Variants in RIMS2 observed in about 807,000 individuals in gnomAD.
RIMS2 encodes regulating synaptic membrane exocytosis protein 2.
Under a neutral mutation model 174.4 loss-of-function variants are expected in RIMS2, and 59 were observed. The observed-to-expected ratio is 0.34, with a 90% CI of 0.27 to 0.42. RIMS2 has a LOEUF of 0.42. Ranked by LOEUF, RIMS2 falls within the 10% of genes least tolerant of loss-of-function variation. The pLI is 1.00. For synonymous variants in RIMS2, 606 were observed against 572.5 expected (o/e 1.06, Z -0.84); for missense variants, 1,620 against 1,666.3 (o/e 0.97, Z 0.48).
At chr8:103,792,063 A>T (rs570731826) in intron 3 of RIMS2, among the ~76,000 whole-genome samples, 1 of 152,314 alleles carries the variant, frequency 6.6e-6, no homozygotes, top group East Asian at 1.9e-4. Flanking sequence ...GCTCTGCACC[A>T]AGCGGACTTA....
At chr8:103,819,641 C>T (rs2098739432) in intron 3 of RIMS2, 1 of 1,581,432 alleles carries the variant, frequency 6.3e-7, no homozygotes, top group South Asian at 1.1e-5. Flanking sequence ...TGAGTAGAGC[C>T]AAACTATATT....
chr8:103,685,955 A>T (rs909126868), intron 1 of RIMS2, among the ~76,000 whole-genome samples: 2 of 152,144 alleles, frequency 1.3e-5, no homozygotes, highest in Non-Finnish European at 2.9e-5. Flanking sequence ...GCCATTGGTT[A>T]ATGTGGTATA....
chr8:103,951,329 G>A (rs936318932), intron 14 of RIMS2, among the ~76,000 whole-genome samples: 3 of 152,202 alleles, frequency 2.0e-5, no homozygotes, highest in East Asian at 1.9e-4. Context: ...CAAGATGACC[G>A]AATAGGAACA....
chr8:103,690,254 G>A (rs761930546), intron 1 of RIMS2, among the ~76,000 whole-genome samples: 6 of 152,076 alleles, frequency 3.9e-5, no homozygotes, highest in East Asian at 1.9e-4. Flanking sequence ...ATGAGCCACC[G>A]CTCCTGGCCG....
intron 1 of RIMS2, among the ~76,000 whole-genome samples, chr8:103,630,902 G>C (rs909468762): frequency 6.6e-6 from 1 of 152,044 alleles, no homozygotes; most frequent in Non-Finnish European, 1.5e-5. Flanking sequence ...ATGCTTGTTG[G>C]CTGCACATAT....
intron 3 of RIMS2, among the ~76,000 whole-genome samples, chr8:103,828,464 T>C (rs923030811): frequency 6.6e-6 from 1 of 152,210 alleles, no homozygotes; most frequent in Non-Finnish European, 1.5e-5. Flanking sequence ...TTTAAGTTCC[T>C]TATAGATTCT....
At chr8:104,079,239 G>A (rs1338961143) in intron 19 of RIMS2, among the ~76,000 whole-genome samples, 1 of 152,024 alleles carries the variant, frequency 6.6e-6, no homozygotes, top group Non-Finnish European at 1.5e-5. Flanking sequence ...ATAAGTTGCA[G>A]GCAGCTACTT....
chr8:104,124,177 G>A (rs2098409566), intron 19 of RIMS2, among the ~76,000 whole-genome samples: 1 of 151,980 alleles, frequency 6.6e-6, no homozygotes, highest in Non-Finnish European at 1.5e-5. Flanking sequence ...TAATCAGAAT[G>A]ACACAAAGAA....
At chr8:103,794,379 C>T (rs1306215919) in intron 3 of RIMS2, among the ~76,000 whole-genome samples, 2 of 151,900 alleles carry the variant, frequency 1.3e-5, no homozygotes, top group East Asian at 1.9e-4. Flanking sequence ...TGGCTAGCCA[C>T]GTATAGAAAG....
At chr8:104,111,030 C>T (rs916101339) in intron 19 of RIMS2, among the ~76,000 whole-genome samples, 1 of 151,948 alleles carries the variant, frequency 6.6e-6, no homozygotes, top group African/African-American at 2.4e-5. Context: ...TGAGTTTAAG[C>T]ATAAAATTAT....
chr8:103,828,480 T>G (rs547457103), intron 3 of RIMS2, among the ~76,000 whole-genome samples: 1 of 152,348 alleles, frequency 6.6e-6, no homozygotes, highest in East Asian at 1.9e-4. Context: ...ATTCTGGATA[T>G]TAGACCTTTG....
At chr8:103,527,404 T>C (rs1375646195) in intron 1 of RIMS2, among the ~76,000 whole-genome samples, 1 of 152,212 alleles carries the variant, frequency 6.6e-6, no homozygotes, top group Non-Finnish European at 1.5e-5. Flanking sequence ...TTTATTTTTT[T>C]ATTATACTTT....
chr8:103,558,533 T>C (rs1016666922), intron 1 of RIMS2, among the ~76,000 whole-genome samples: 2 of 152,218 alleles, frequency 1.3e-5, no homozygotes, highest in South Asian at 2.1e-4. Context: ...CCAAATCTTT[T>C]ATCTTTGGCC....
At chr8:103,586,331 T>C (rs1403690532) in intron 1 of RIMS2, among the ~76,000 whole-genome samples, 2 of 152,190 alleles carry the variant, frequency 1.3e-5, no homozygotes, top group Admixed American at 1.3e-4. Flanking sequence ...TTCTCAAAGA[T>C]AGACTATATG....
chr8:103,940,662 G>A (rs2082318232), intron 13 of RIMS2, among the ~76,000 whole-genome samples: 1 of 152,080 alleles, frequency 6.6e-6, no homozygotes, highest in Non-Finnish European at 1.5e-5. Flanking sequence ...GATCACCTGA[G>A]GTCAGGAGTT....
chr8:103,815,506 A>C (rs16870730), intron 3 of RIMS2, among the ~76,000 whole-genome samples: 23,909 of 152,078 alleles, frequency 0.16, 1,986 homozygotes, highest in Middle Eastern at 0.24. Flanking sequence ...ATAGAACATA[A>C]ATAGAGAAAC....
chr8:104,018,230 A>G (rs897940906), intron 19 of RIMS2, among the ~76,000 whole-genome samples: 1 of 152,214 alleles, frequency 6.6e-6, no homozygotes, highest in African/African-American at 2.4e-5. Context: ...GAAACTGAGC[A>G]TGTGGAAGAG....
intron 3 of RIMS2, among the ~76,000 whole-genome samples, chr8:103,827,865 G>A (rs934293970): frequency 2.6e-5 from 4 of 151,138 alleles, no homozygotes; most frequent in African/African-American, 4.9e-5. Context: ...AAGGTGCAAC[G>A]GTAGATAACT....
chr8:103,668,413 G>A (rs536246356), intron 1 of RIMS2, among the ~76,000 whole-genome samples: 1 of 152,196 alleles, frequency 6.6e-6, no homozygotes, highest in Admixed American at 6.5e-5. Flanking sequence ...GTATGAGAAA[G>A]CTTCTGTATA....
Sources: allele counts gnomAD v4.1 joint callset (sites outside exome capture counted in the v4.1 genomes callset), GRCh38; gene constraint gnomAD v4.1.1; transcripts MANE v1.5; gene names NCBI Gene and HGNC (gene_info 2026-07-23, HGNC 2026-07-21).